Variants in WAC observed in about 807,000 individuals in gnomAD.
The protein encoded by WAC is WW domain containing adaptor with coiled-coil, also known as WW domain-containing adapter protein with coiled-coil.
In WAC, 11 loss-of-function variants were observed where a neutral mutation model predicts 79.6. The observed-to-expected ratio is 0.14, with a 90% CI of 0.09 to 0.23. WAC has a LOEUF of 0.23. Among genes scored for constraint, WAC ranks in the 10% least tolerant of loss-of-function variants. WAC has a pLI of 1.00. For missense variants in WAC, 728 were observed against 773.5 expected, an observed-to-expected ratio of 0.94 and a Z score of 0.70; for synonymous variants, 304 against 276.9, an observed-to-expected ratio of 1.10 and a Z score of -0.97.
intron 3 of WAC, among the ~76,000 whole-genome samples, chr10:28,580,622 A>G (rs1839484776): frequency 6.6e-6 from 1 of 152,158 alleles, no homozygotes; most frequent in African/African-American, 2.4e-5. Context: ...ACTGTCGACA[A>G]ACTTAAGGAA....
chr10:28,605,093 A>G (rs575809760), intron 7 of WAC, among the ~76,000 whole-genome samples: 3 of 152,370 alleles, frequency 2.0e-5, no homozygotes, highest in Admixed American at 1.3e-4. Flanking sequence ...AGCAATAAAA[A>G]AAGTGTAAAT....
intron 7 of WAC, among the ~76,000 whole-genome samples, chr10:28,597,692 G>A (rs748224241): frequency 6.6e-6 from 1 of 152,048 alleles, no homozygotes; most frequent in Non-Finnish European, 1.5e-5. Flanking sequence ...CTTAGTATTT[G>A]TTACGTATCC....
At chr10:28,538,962 G>A (rs953505682) in intron 3 of WAC, among the ~76,000 whole-genome samples, 2 of 151,740 alleles carry the variant, frequency 1.3e-5, no homozygotes, top group South Asian at 2.1e-4. Context: ...TAAGCTCTAA[G>A]CATGTAAAAA....
rs531583387 is a variant in WAC, at chr10:28,568,423, C to T, written c.275-14976C>T. Among the ~76,000 whole-genome samples the T allele has an allele frequency of 1.1e-4, 16 of 152,250 alleles. No homozygotes were observed. In the East Asian group the frequency reaches 1.9e-3, roughly 18 times the overall value. ...TGAGATGGAGTCTTGCACTGTCAGC[C>T]GGGCTGGTGTGCAGTGGCACGGTCT... is the stretch of plus-strand genomic sequence containing the variant. On this transcript the variant is annotated intron_variant, in intron 3 of 13. Transcript: ENST00000354911.
chr10:28,611,542 A>C, intron 9 of WAC: 1 of 1,368,942 alleles, frequency 7.3e-7, no homozygotes, highest in Non-Finnish European at 9.6e-7. Flanking sequence ...AGCCACATAA[A>C]GGAGAGTGGG....
intron 8 of WAC, among the ~76,000 whole-genome samples, chr10:28,608,925 G>A (rs1471792123): frequency 1.3e-5 from 2 of 152,046 alleles, no homozygotes; most frequent in African/African-American, 4.8e-5. Context: ...ATAAAATGTT[G>A]CCATTTTTTT....
At chr10:28,565,604 A>C (rs1355140081) in intron 3 of WAC, among the ~76,000 whole-genome samples, 2 of 152,180 alleles carry the variant, frequency 1.3e-5, no homozygotes, top group Non-Finnish European at 2.9e-5. Context: ...ATTATCAAAT[A>C]ATATTATTAT....
At position 28,546,032 on chromosome 10, in the gene WAC, C is replaced by T. The variant is rs1269732564; in HGVS notation, c.274+10275C>T. Among the ~76,000 whole-genome samples, 3 of 152,282 alleles carry T rather than the reference C, an allele frequency of 2.0e-5. No homozygotes were observed. The East Asian group carries it at 5.8e-4, about 29-fold the overall frequency. ...TTAACAAAAGATTTCCTAAAGTTTACTCTTAGGAGTATTTGCATTTTAAAG... is the reference window on the plus strand; with the variant it reads ...TTAACAAAAGATTTCCTAAAGTTTATTCTTAGGAGTATTTGCATTTTAAAG... On this transcript the variant is annotated intron_variant, in intron 3 of 13. Transcript: ENST00000354911.
intron 5 of WAC, among the ~76,000 whole-genome samples, 199 bp from the exon 6 acceptor site, chr10:28,590,521 T>C (rs1222765498): frequency 6.6e-6 from 1 of 152,168 alleles, no homozygotes; most frequent in Non-Finnish European, 1.5e-5. Flanking sequence ...GTATAACAAT[T>C]GGTATAATTT....
At chr10:28,569,745 A>G (rs1838845717) in intron 3 of WAC, among the ~76,000 whole-genome samples, 1 of 152,168 alleles carries the variant, frequency 6.6e-6, no homozygotes, top group Admixed American at 6.6e-5. Flanking sequence ...GTTGTCATAC[A>G]TATGGTTTGT....
chr10:28,614,711 C>A, intron 11 of WAC, 26 bp downstream of exon 11: 1 of 1,539,794 alleles, frequency 6.5e-7, no homozygotes, highest in East Asian at 2.3e-5. Context: ...ATATTGAGAC[C>A]ACATTGTTTT....
intron 3 of WAC, among the ~76,000 whole-genome samples, chr10:28,549,270 C>G (rs1837535103): frequency 6.6e-6 from 1 of 152,142 alleles, no homozygotes; most frequent in Non-Finnish European, 1.5e-5. Flanking sequence ...TGAGCCGTGA[C>G]TCAAAAGTTA....
chr10:28,590,614 T>C (rs1187513789), intron 5 of WAC, 106 bp from the exon 6 acceptor site: 1 of 885,424 alleles, frequency 1.1e-6, no homozygotes, highest in Non-Finnish European at 1.7e-6. Context: ...TTCACTCCTT[T>C]TGTTTTCTGT....
At chr10:28,583,708 T>C (rs1027787786) in intron 4 of WAC, among the ~76,000 whole-genome samples, 9 of 152,242 alleles carry the variant, frequency 5.9e-5, no homozygotes, top group Non-Finnish European at 1.2e-4. Context: ...AACTGAAGAG[T>C]TGTCAGAAGA....
rs1589251102 is a variant in WAC at position 28,617,640 on chromosome 10, C to A, written c.1747-17C>A. ...TAATGTTTATATTTTATGTTTTCTT[C>A]ATTTCTTTAATTACAGGCATCAAGA... On this transcript the variant is annotated splice_polypyrimidine_tract_variant and intron_variant, in intron 12 of 13. Coordinates refer to ENST00000354911, the MANE Select transcript of WAC (RefSeq NM_016628.5). 1.3e-6 allele frequency: 2 copies of A among 1,534,142 alleles called. No homozygotes were observed. The highest frequency in any genetic ancestry group is 2.4e-5 in the East Asian group (1 of 41,908).
At position 28,621,576 on chromosome 10, in the gene WAC, C is replaced by T. The variant is rs1356157084; in HGVS notation, c.*1970C>T. 1 of 151,582 alleles carries T rather than the reference C, an allele frequency of 6.6e-6. No individual in the cohort carries two copies. The highest frequency in any genetic ancestry group is 1.9e-4 in the East Asian group (1 of 5,186). 9.4% of individuals were successfully genotyped at this position (151,582 alleles called of 1,614,324 possible). On this transcript the variant is annotated 3_prime_UTR_variant, in exon 14 of 14. Coordinates refer to ENST00000354911, the MANE Select transcript of WAC (RefSeq NM_016628.5). ...CATTAATTTATTGTCATGTTTATAC[C>T]TCTGTGAGATTGTTAACATCTGCTG...
rs1836621276 is a variant in WAC, at chr10:28,535,765, T to TC, written c.274+9dup. The TC allele has an allele frequency of 6.3e-7, 1 of 1,592,134 alleles. No homozygotes were observed. Among genetic ancestry groups the TC allele is most frequent in the African/African-American group, 1.4e-5 (1 of 73,966 alleles). Reference sequence around the variant, plus strand: ...TTAGAGAGAGGGATGGTGGTGAGTATCTTTCTTGTTGAAACTTTGACATAC... The same window carrying TC: ...TTAGAGAGAGGGATGGTGGTGAGTATCCTTTCTTGTTGAAACTTTGACATAC... On this transcript the variant is annotated intron_variant, in intron 3 of 13. Transcript: ENST00000354911.
intron 3 of WAC, among the ~76,000 whole-genome samples, chr10:28,549,311 T>G (rs1233486358): frequency 6.6e-6 from 1 of 152,210 alleles, no homozygotes; most frequent in Admixed American, 6.5e-5. Flanking sequence ...CTTTGCTGCT[T>G]TCTCAGTTTT....
chr10:28,572,336 C>T (rs1014864988), intron 3 of WAC, among the ~76,000 whole-genome samples: 3 of 97,956 alleles, frequency 3.1e-5, no homozygotes, highest in African/African-American at 8.0e-5. Flanking sequence ...GACTCTGTCT[C>T]CAAAAAAAAA....
Sources: gnomAD v4.1 joint callset for allele counts (sites outside exome capture counted in the v4.1 genomes callset) on GRCh38, gnomAD v4.1.1 for gene constraint, MANE v1.5 for transcripts, NCBI Gene and HGNC (gene_info 2026-07-23, HGNC 2026-07-21) for gene names.